MAN1A1: variants seen among roughly 807,000 people sequenced by gnomAD.
MAN1A1 encodes mannosyl-oligosaccharide 1,2-alpha-mannosidase IA.
In MAN1A1, 29 loss-of-function variants were observed where a neutral mutation model predicts 70.8. The ratio of observed to expected loss-of-function variants is 0.41; its 90% CI spans 0.31 to 0.56. The LOEUF is 0.56. Ranked by LOEUF, MAN1A1 falls within the 20% of genes least tolerant of loss-of-function variation. The probability of loss-of-function intolerance (pLI) is 0.29; values close to 1 mark genes in which losing one functional copy is unlikely to be tolerated. For missense variants in MAN1A1, 747 were observed against 841.3 expected (o/e 0.89, Z 1.39); for synonymous variants, 349 against 330.1 (o/e 1.06, Z -0.62).
At chr6:119,269,765 G>C (rs1048705253) in intron 5 of MAN1A1, 15 of 152,220 alleles carry the variant, frequency 9.9e-5, no homozygotes, top group African/African-American at 3.4e-4. Flanking sequence ...CTGCTTTCCT[G>C]TCATTCTTTG....
At chr6:119,214,767 A>T (rs1182386788) in intron 6 of MAN1A1, among the ~76,000 whole-genome samples, 25 of 152,142 alleles carry the variant, frequency 1.6e-4, no homozygotes, top group Non-Finnish European at 1.3e-4. Flanking sequence ...TGGCCTCCCA[A>T]AGTGCTGAGA....
At chr6:119,299,906 C>T (rs1772339338) in intron 4 of MAN1A1, among the ~76,000 whole-genome samples, 1 of 152,104 alleles carries the variant, frequency 6.6e-6, no homozygotes, top group Non-Finnish European at 1.5e-5. Context: ...CCTCTGGCCC[C>T]AAGTCCAGAG....
chr6:119,248,380 A>T, intron 5 of MAN1A1, 26 bp from the exon 6 acceptor site: 2 of 1,268,224 alleles, frequency 1.6e-6, no homozygotes, highest in Non-Finnish European at 2.3e-6. Context: ...GTTAACTGTA[A>T]GCTACTGTTG....
intron 2 of MAN1A1, among the ~76,000 whole-genome samples, chr6:119,341,705 G>T (rs1773596273): frequency 6.6e-6 from 1 of 152,108 alleles, no homozygotes; most frequent in Admixed American, 6.6e-5. Context: ...TATAATTTTT[G>T]CCAAGCCTAA....
At chr6:119,340,846 T>A (rs1336341840) in intron 2 of MAN1A1, among the ~76,000 whole-genome samples, 2 of 152,166 alleles carry the variant, frequency 1.3e-5, no homozygotes, top group African/African-American at 4.8e-5. Flanking sequence ...GTTCTGAGTG[T>A]CACTTGAATG....
intron 2 of MAN1A1, among the ~76,000 whole-genome samples, chr6:119,324,275 A>T (rs566656946): frequency 2.0e-4 from 30 of 152,228 alleles, no homozygotes; most frequent in Non-Finnish European, 4.4e-4. Flanking sequence ...TTTAAATAAC[A>T]TTTTCTTTTC....
intron 2 of MAN1A1, among the ~76,000 whole-genome samples, chr6:119,342,923 T>C (rs193140077): frequency 1.2e-3 from 176 of 152,220 alleles, no homozygotes; most frequent in African/African-American, 4.0e-3. Context: ...CTCCCTTCCT[T>C]CTTCTTCCCC....
intron 5 of MAN1A1, among the ~76,000 whole-genome samples, chr6:119,260,306 T>TA (rs1775572088): frequency 6.6e-6 from 1 of 152,226 alleles, no homozygotes; most frequent in Non-Finnish European, 1.5e-5. Context: ...AACATCTTTT[T>TA]AAAAATAGCT....
intron 5 of MAN1A1, among the ~76,000 whole-genome samples, chr6:119,285,558 G>A (rs1776346349): frequency 6.6e-6 from 1 of 150,568 alleles, no homozygotes; most frequent in Non-Finnish European, 1.5e-5. Context: ...TCACTGTATG[G>A]GATTAACATA....
intron 6 of MAN1A1, among the ~76,000 whole-genome samples, chr6:119,215,035 A>T (rs6933914): frequency 0.42 from 61,330 of 146,068 alleles, 13,241 homozygotes; most frequent in East Asian, 0.67. Flanking sequence ...AACATCACAC[A>T]CTGGGGCCTG....
At chr6:119,346,274 A>T (rs985207541) in intron 2 of MAN1A1, among the ~76,000 whole-genome samples, 3 of 152,260 alleles carry the variant, frequency 2.0e-5, no homozygotes, top group Non-Finnish European at 4.4e-5. Context: ...TCTAAAGCCA[A>T]ATATTTACAG....
intron 5 of MAN1A1, among the ~76,000 whole-genome samples, chr6:119,265,142 C>G (rs1391620486): frequency 6.6e-6 from 1 of 151,420 alleles, no homozygotes; most frequent in Non-Finnish European, 1.5e-5. Context: ...ACTCTGTCAC[C>G]CAGGCTAAAG....
intron 2 of MAN1A1, among the ~76,000 whole-genome samples, chr6:119,338,866 T>C (rs974273146): frequency 6.6e-6 from 1 of 152,216 alleles, no homozygotes; most frequent in Non-Finnish European, 1.5e-5. Flanking sequence ...ATTTTTTTTC[T>C]TGCAACTTTG....
chr6:119,221,611 T>A (rs1774363247), intron 6 of MAN1A1, among the ~76,000 whole-genome samples: 1 of 151,222 alleles, frequency 6.6e-6, no homozygotes, highest in Non-Finnish European at 1.5e-5. Context: ...TACAAAAAAA[T>A]ACAGGTAATT....
In MAN1A1 at chr6:119,344,346, T is replaced by C. The variant is rs146025846; in HGVS notation, c.603+4117A>G. Among the ~76,000 whole-genome samples, 292 of 152,030 alleles carry C rather than the reference T, an allele frequency of 1.9e-3. 3 individuals are homozygous for C. The highest frequency in any genetic ancestry group is 6.6e-3 in the African/African-American group (275 of 41,550). On this transcript the variant is annotated intron_variant, in intron 2 of 12. Coordinates refer to ENST00000368468, the MANE Select transcript of MAN1A1 (RefSeq NM_005907.4). Reference sequence around the variant, plus strand: ...AATTAACTACCCATTACTGTATATATGTATTTTTTTGCTTTTGTATATTAA... The same window carrying C: ...AATTAACTACCCATTACTGTATATACGTATTTTTTTGCTTTTGTATATTAA...
At chr6:119,209,053 T>C (rs961861093) in intron 6 of MAN1A1, among the ~76,000 whole-genome samples, 5 of 135,170 alleles carry the variant, frequency 3.7e-5, no homozygotes, top group African/African-American at 1.4e-4. Flanking sequence ...TGATTGCCAC[T>C]GCACTCTAGC....
At chr6:119,316,030 A>AGGCC (rs1382354772) in intron 2 of MAN1A1, among the ~76,000 whole-genome samples, 1 of 152,204 alleles carries the variant, frequency 6.6e-6, no homozygotes, top group Admixed American at 6.5e-5. Context: ...TGAGGCCAGC[A>AGGCC]AGTGACCCCT....
chr6:119,198,109 G>A (rs1171018359), intron 8 of MAN1A1, among the ~76,000 whole-genome samples: 2 of 152,198 alleles, frequency 1.3e-5, no homozygotes, highest in East Asian at 3.9e-4. Context: ...ATATACAAGG[G>A]CCAGGAGCGT....
At chr6:119,231,319 G>A (rs1774669471) in intron 6 of MAN1A1, among the ~76,000 whole-genome samples, 1 of 152,064 alleles carries the variant, frequency 6.6e-6, no homozygotes, top group Non-Finnish European at 1.5e-5. Context: ...AGTCTCATGA[G>A]ATCTGATGGT....
Sources: allele counts gnomAD v4.1 joint callset (sites outside exome capture counted in the v4.1 genomes callset), GRCh38; gene constraint gnomAD v4.1.1; transcripts MANE v1.5; gene names NCBI Gene and HGNC (gene_info 2026-07-23, HGNC 2026-07-21).